SHANK2: variants seen among roughly 807,000 people sequenced by gnomAD.
SHANK2 encodes the protein SH3 and multiple ankyrin repeat domains 2, also known as SH3 and multiple ankyrin repeat domains protein 2.
A neutral mutation model predicts 133.7 loss-of-function variants in SHANK2; 43 were observed. That is an observed-to-expected ratio of 0.32 (90% CI 0.25 to 0.41). The LOEUF (loss-of-function observed/expected upper bound fraction) is 0.41. SHANK2 is among the 10% of genes least tolerant of loss of function. The pLI is 1.00. For synonymous variants in SHANK2, 1,017 were observed against 952.8 expected (o/e 1.07, Z -1.24); for missense variants, 1,994 against 2,235.8 (o/e 0.89, Z 2.18).
intron 24 of SHANK2, among the ~76,000 whole-genome samples, chr11:70,488,398 C>T (rs1442574246): frequency 6.6e-6 from 1 of 152,204 alleles, no homozygotes; most frequent in Non-Finnish European, 1.5e-5. Context: ...CCACGGTTGG[C>T]TCTGTGCGTG....
chr11:70,547,312 G>C (rs1271039042), intron 17 of SHANK2, among the ~76,000 whole-genome samples: 1 of 152,194 alleles, frequency 6.6e-6, no homozygotes, highest in Non-Finnish European at 1.5e-5. Flanking sequence ...CCAGGCTGGA[G>C]TGCAGTGGTA....
chr11:70,509,869 T>C lies in SHANK2; in HGVS notation c.2062-6938A>G, dbSNP rs190868680. On this transcript the variant is annotated intron_variant, in intron 17 of 25. Coordinates refer to ENST00000601538, the MANE Select transcript of SHANK2 (RefSeq NM_012309.5). ...AGTTTGCCGGCCAGTGCCATGATCT[T>C]GGACTTCTGGTCTCCCGAGCTGGGA... Among the ~76,000 whole-genome samples the C allele has an allele frequency of 3.5e-3, 537 of 152,346 alleles. 4 individuals are homozygous for C. Among genetic ancestry groups the C allele is most frequent in the Non-Finnish European group, 4.8e-3 (327 of 68,030 alleles).
At chr11:70,914,668 T>TA (rs1555079597) in intron 10 of SHANK2, among the ~76,000 whole-genome samples, 1 of 107,294 alleles carries the variant, frequency 9.3e-6, no homozygotes, top group Non-Finnish European at 1.8e-5. Flanking sequence ...ACAAAAAAAA[T>TA]AAATAAAATA....
In SHANK2 at chr11:70,479,535, C is replaced by G. The variant is rs2058705620; in HGVS notation, c.4979+5779G>C. 6.6e-6 allele frequency among the ~76,000 whole-genome samples: 1 copy of G among 152,188 alleles called. No individual in the cohort carries two copies. The highest frequency in any genetic ancestry group is 6.5e-5 in the Admixed American group (1 of 15,290). ...TTCACAGGACAAATCTCCCTGAAGC[C>G]CATCCATCCCATGGGGAAGCGAAGG... On this transcript the variant is annotated intron_variant, in intron 25 of 25. Transcript: ENST00000601538. This position sits in a 1 kb window ranked among gnomAD's most constrained non-coding sequence, Gnocchi z 4.4.
intron 14 of SHANK2, among the ~76,000 whole-genome samples, chr11:70,798,149 C>T (rs1272543150): frequency 4.6e-5 from 7 of 152,086 alleles, no homozygotes; most frequent in Non-Finnish European, 8.8e-5. Context: ...TCTAATCAAC[C>T]CCCAAAAGTC....
chr11:71,071,088 T>TA (rs1951135955), intron 9 of SHANK2, among the ~76,000 whole-genome samples: 1 of 152,250 alleles, frequency 6.6e-6, no homozygotes, highest in Non-Finnish European at 1.5e-5. Context: ...AAACAGACTT[T>TA]TCTTGAGTTT....
chr11:70,733,296 G>C (rs1336567910), intron 14 of SHANK2, among the ~76,000 whole-genome samples: 2 of 152,164 alleles, frequency 1.3e-5, no homozygotes, highest in Non-Finnish European at 2.9e-5. Flanking sequence ...GTGTGAAAAA[G>C]TTTAGTATGT....
chr11:70,947,132 AACACACACACACACACACACAC>A (rs144004521), intron 10 of SHANK2, among the ~76,000 whole-genome samples: 57 of 126,584 alleles, frequency 4.5e-4, no homozygotes, highest in East Asian at 1.5e-3. Flanking sequence ...GCACCTCTCC[AACACACACACACACACACACAC>A]ACACACACAC....
At chr11:71,118,236 A>C (rs118051619) in intron 4 of SHANK2, among the ~76,000 whole-genome samples, 2 of 152,342 alleles carry the variant, frequency 1.3e-5, no homozygotes, top group Non-Finnish European at 2.9e-5. Flanking sequence ...TAGTGAAAAA[A>C]AAATGTATAA....
chr11:70,575,530 A>G (rs996078521), intron 17 of SHANK2, among the ~76,000 whole-genome samples: 1 of 151,042 alleles, frequency 6.6e-6, no homozygotes, highest in African/African-American at 2.4e-5. Context: ...AAAAAAAAAG[A>G]AAGTACAAAG....
chr11:71,163,212 TATA>T (rs1296098239), intron 2 of SHANK2, among the ~76,000 whole-genome samples: 2 of 146,154 alleles, frequency 1.4e-5, no homozygotes, highest in Non-Finnish European at 2.9e-5. Flanking sequence ...TTTCTGTGTT[TATA>T]ATGTTTGTTT....
rs891025571 is a variant in SHANK2 at position 71,175,882 on chromosome 11, C to T, written c.-12-28544G>A. On this transcript the variant is annotated intron_variant, in intron 2 of 25. Coordinates refer to ENST00000601538, the MANE Select transcript of SHANK2 (RefSeq NM_012309.5). The surrounding 1 kb of genome is among the most constrained non-coding windows in gnomAD (Gnocchi z 4.2). ...AGAGTGGAGGCGATGGGGCTGAGAA[C>T]ACAGGAAGGCCAAGGTAGCTCCAGT... is the stretch of plus-strand genomic sequence containing the variant. Among the ~76,000 whole-genome samples the T allele has an allele frequency of 6.6e-6, 1 of 152,076 alleles. No individual in the cohort carries two copies. Among genetic ancestry groups the T allele is most frequent in the Non-Finnish European group, 1.5e-5 (1 of 68,022 alleles).
chr11:71,102,775 C>G lies in SHANK2; in HGVS notation c.592+7166G>C, dbSNP rs145900472. The stretch of plus-strand genomic sequence containing the variant: ...TTCCCCCAGGAGTTGAGAGCAGGGA[C>G]CCCCCAGGGCAAGTGGAGCCCAGGC... On this transcript the variant is annotated intron_variant, in intron 6 of 25. Transcript: ENST00000601538. Among the ~76,000 whole-genome samples, 472 of 152,274 alleles carry G rather than the reference C, an allele frequency of 3.1e-3. 1 individual carries two copies. The highest frequency in any genetic ancestry group is 0.011 in the African/African-American group (455 of 41,558).
chr11:71,073,146 TC>T (rs1951166552), intron 9 of SHANK2, among the ~76,000 whole-genome samples: 138 of 46,012 alleles, frequency 3.0e-3, no homozygotes, highest in Non-Finnish European at 5.6e-3. Flanking sequence ...CTTTTTCTTT[TC>T]TTTTTTTTCT....
intron 14 of SHANK2, among the ~76,000 whole-genome samples, chr11:70,727,655 C>A (rs903107176): frequency 6.6e-6 from 1 of 152,174 alleles, no homozygotes; most frequent in Admixed American, 6.5e-5. Flanking sequence ...CTGCATTCCA[C>A]ATGGGGCAGG....
chr11:70,480,065 C>T (rs1555151136), intron 25 of SHANK2, among the ~76,000 whole-genome samples: 1 of 152,196 alleles, frequency 6.6e-6, no homozygotes, highest in African/African-American at 2.4e-5. Flanking sequence ...CATGCCAAGA[C>T]TTTGCTGAAG....
intron 2 of SHANK2, among the ~76,000 whole-genome samples, chr11:71,197,283 C>T (rs189190008): frequency 4.1e-4 from 62 of 152,260 alleles, no homozygotes; most frequent in African/African-American, 1.4e-3. Flanking sequence ...TGGGCCCTCC[C>T]GGGTGGGGTG....
intron 14 of SHANK2, among the ~76,000 whole-genome samples, chr11:70,788,741 G>A (rs1947722672): frequency 6.6e-6 from 1 of 152,170 alleles, no homozygotes; most frequent in South Asian, 2.1e-4. Flanking sequence ...GATTTGGGAG[G>A]AGGAGATTTA....
At chr11:70,886,305 A>G (rs1437192312) in intron 11 of SHANK2, among the ~76,000 whole-genome samples, 5 of 152,320 alleles carry the variant, frequency 3.3e-5, no homozygotes, top group African/African-American at 1.2e-4. Flanking sequence ...GAATCTGGTC[A>G]ACAGCTGTGT....
Sources: gnomAD v4.1 joint callset for allele counts (sites outside exome capture counted in the v4.1 genomes callset) on GRCh38, gnomAD v4.1.1 for gene constraint, Gnocchi (gnomAD v3.1) non-coding constraint, MANE v1.5 for transcripts, NCBI Gene and HGNC (gene_info 2026-07-23, HGNC 2026-07-21) for gene names.